Variants in CSMD1 observed in about 807,000 individuals in gnomAD.
CSMD1 encodes the protein CUB and Sushi multiple domains 1, also known as CUB and sushi domain-containing protein 1.
Under a neutral mutation model 417.5 loss-of-function variants are expected in CSMD1, and 213 were observed. The observed-to-expected ratio is 0.51, with a 90% CI of 0.46 to 0.57. The LOEUF (loss-of-function observed/expected upper bound fraction) is 0.57, where lower values mean the gene tolerates loss of function less well. Among genes scored for constraint, CSMD1 ranks in the 20% least tolerant of loss-of-function variants. The pLI is 0.00. For synonymous variants in CSMD1, 2,862 were observed against 1,736.8 expected (o/e 1.65, Z -16.11); for missense variants, 6,923 against 4,529.7 (o/e 1.53, Z -15.17).
chr8:4,261,207 G>A (rs1395944061), intron 3 of CSMD1, among the ~76,000 whole-genome samples: 1 of 152,166 alleles, frequency 6.6e-6, no homozygotes, highest in African/African-American at 2.4e-5. Context: ...AGCTACTAGA[G>A]AAAGGAGGAC....
At chr8:4,680,993 A>C (rs551310555) in intron 1 of CSMD1, among the ~76,000 whole-genome samples, 22 of 151,706 alleles carry the variant, frequency 1.5e-4, no homozygotes, top group Admixed American at 5.9e-4. Context: ...AGAGAGAGAG[A>C]GAGAGAGAGA....
At chr8:4,147,853 A>C (rs10112217) in intron 3 of CSMD1, among the ~76,000 whole-genome samples, 1 of 151,756 alleles carries the variant, frequency 6.6e-6, no homozygotes, top group Non-Finnish European at 1.5e-5. Flanking sequence ...CTGGTCTGGA[A>C]ATGGTAGCTG....
At chr8:3,673,178 G>A (rs10088000) in intron 7 of CSMD1, among the ~76,000 whole-genome samples, 6 of 152,010 alleles carry the variant, frequency 3.9e-5, no homozygotes, top group African/African-American at 7.3e-5. Context: ...ATGGGACACA[G>A]AATCTGAAAT....
In CSMD1 at chr8:3,520,039, T is replaced by TATATATATACACAC. The variant is rs545212684; in HGVS notation, c.1345-26314_1345-26313insGTGTGTATATATAT. Among the ~76,000 whole-genome samples the TATATATATACACAC allele has an allele frequency of 6.8e-5, 10 of 147,184 alleles. No individual in the cohort carries two copies. The East Asian group carries it at 1.2e-3, about 17-fold the overall frequency. On this transcript the variant is annotated intron_variant, in intron 10 of 69. Transcript: ENST00000635120. The stretch of plus-strand genomic sequence containing the variant: ...ATATACCTATATATATATATATATA[T>TATATATATACACAC]ACACGTATAGTTGTGAAACTTGCTC...
At chr8:4,021,569 T>A (rs781061642) in intron 4 of CSMD1, among the ~76,000 whole-genome samples, 1 of 152,184 alleles carries the variant, frequency 6.6e-6, no homozygotes, top group Non-Finnish European at 1.5e-5. Flanking sequence ...GCACCTGGGA[T>A]CATCCTCATG....
intron 10 of CSMD1, among the ~76,000 whole-genome samples, chr8:3,502,321 C>A (rs759702087): frequency 9.5e-5 from 14 of 147,910 alleles, no homozygotes; most frequent in Non-Finnish European, 1.8e-4. Context: ...GCTGAGATCG[C>A]GCCACTGCAC....
chr8:4,237,701 C>T (rs1563318967), intron 3 of CSMD1, among the ~76,000 whole-genome samples: 1 of 152,044 alleles, frequency 6.6e-6, no homozygotes, highest in South Asian at 2.1e-4. Flanking sequence ...TTTGTAGAGA[C>T]ATGGTTTTGC....
chr8:4,837,568 G>A (rs529666180), intron 1 of CSMD1, among the ~76,000 whole-genome samples: 1 of 152,040 alleles, frequency 6.6e-6, no homozygotes, highest in Non-Finnish European at 1.5e-5. Flanking sequence ...AAACAATTAA[G>A]CTCATGAACA....
chr8:4,799,494 G>C (rs540699467), intron 1 of CSMD1, among the ~76,000 whole-genome samples: 3 of 149,980 alleles, frequency 2.0e-5, no homozygotes, highest in South Asian at 4.2e-4. Flanking sequence ...AGCTACTCTA[G>C]AGCCTGGGGC....
intron 10 of CSMD1, among the ~76,000 whole-genome samples, chr8:3,532,116 T>G (rs1339275751): frequency 6.6e-6 from 1 of 152,204 alleles, no homozygotes; most frequent in Non-Finnish European, 1.5e-5. Context: ...GGCAACATTT[T>G]TTTTCTGGGA....
intron 5 of CSMD1, among the ~76,000 whole-genome samples, chr8:3,968,429 ACACT>A (rs1302362701): frequency 2.6e-5 from 4 of 152,136 alleles, no homozygotes; most frequent in Non-Finnish European, 4.4e-5. Context: ...ACATGGACAC[ACACT>A]CAGCAACCCA....
chr8:3,021,940 AGCACCTGCGATCCCACAGCATCTGGAAT>A (rs1809449182), intron 51 of CSMD1, among the ~76,000 whole-genome samples: 1 of 116,396 alleles, frequency 8.6e-6, no homozygotes, highest in Non-Finnish European at 1.7e-5. Context: ...GCATCCGGAA[AGCACCTGCGATCCCACAGCATCTGGAAT>A]GCACCTGCAA....
chr8:3,426,640 C>T (rs561425974), intron 12 of CSMD1, among the ~76,000 whole-genome samples: 3 of 152,208 alleles, frequency 2.0e-5, no homozygotes, highest in Admixed American at 1.3e-4. Context: ...GGTGAGATGC[C>T]ATAATTAACT....
intron 1 of CSMD1, among the ~76,000 whole-genome samples, chr8:4,879,318 G>A (rs948581858): frequency 6.6e-6 from 1 of 151,978 alleles, no homozygotes; most frequent in East Asian, 1.9e-4. Context: ...GCAGGACTTG[G>A]AAATATAGGA....
intron 5 of CSMD1, among the ~76,000 whole-genome samples, chr8:3,946,745 A>T (rs1480780318): frequency 6.6e-6 from 1 of 151,986 alleles, no homozygotes; most frequent in Non-Finnish European, 1.5e-5. Context: ...AATTTCTCTC[A>T]GCTATGTTTT....
At chr8:4,239,499 C>A (rs149389784) in intron 3 of CSMD1, among the ~76,000 whole-genome samples, 2 of 152,140 alleles carry the variant, frequency 1.3e-5, no homozygotes, top group African/African-American at 2.4e-5. Flanking sequence ...CTGCCCCACC[C>A]CAGTCTGGTC....
At chr8:4,084,223 T>C (rs1487824461) in intron 3 of CSMD1, among the ~76,000 whole-genome samples, 1 of 152,040 alleles carries the variant, frequency 6.6e-6, no homozygotes, top group Non-Finnish European at 1.5e-5. Flanking sequence ...TTTTACTCTG[T>C]AGAGTAGTAA....
chr8:3,447,746 G>A (rs551302429), intron 12 of CSMD1, among the ~76,000 whole-genome samples: 23 of 152,182 alleles, frequency 1.5e-4, no homozygotes, highest in Non-Finnish European at 2.5e-4. Flanking sequence ...ACTTGGAGTG[G>A]CCAGTCAGGT....
intron 2 of CSMD1, among the ~76,000 whole-genome samples, chr8:4,590,404 G>A (rs1055208918): frequency 6.6e-6 from 1 of 151,668 alleles, no homozygotes; most frequent in Non-Finnish European, 1.5e-5. Flanking sequence ...AAGGACTTTG[G>A]GCTTATTAAT....
Sources: allele counts gnomAD v4.1 joint callset (sites outside exome capture counted in the v4.1 genomes callset), GRCh38; gene constraint gnomAD v4.1.1; transcripts MANE v1.5; gene names NCBI Gene and HGNC (gene_info 2026-07-23, HGNC 2026-07-21).